The following MAPK13 variants were observed in gnomAD, a reference collection of about 807,000 sequenced individuals.
MAPK13 encodes the protein mitogen-activated protein kinase 13, also known as MAP kinase 13.
Under a neutral mutation model 53.5 loss-of-function variants are expected in MAPK13, and 39 were observed. That is an observed-to-expected ratio of 0.73 (90% confidence interval 0.56 to 0.95). The LOEUF (loss-of-function observed/expected upper bound fraction) is 0.95, where lower values mean the gene tolerates loss of function less well. Among genes scored for constraint, MAPK13 ranks in the 40% least tolerant of loss-of-function variants. The pLI, the probability that MAPK13 is intolerant of heterozygous loss-of-function variation, is 0.00. For missense variants in MAPK13, 460 were observed against 471.8 expected (o/e 0.98, Z 0.23); for synonymous variants, 179 against 190.9 (o/e 0.94, Z 0.51).
chr6:36,136,455 C>G lies in MAPK13; in HGVS notation c.448-29C>G. On this transcript the variant is annotated intron_variant, in intron 5 of 11. Transcript: ENST00000211287. The stretch of plus-strand genomic sequence containing the variant: ...GGACAAGCTCCATCTCTGCCTCAGC[C>G]TAGCATGCATTCTCTGTCCTCCCCC... The G allele has an allele frequency of 1.9e-6, 3 of 1,560,472 alleles. No homozygotes were observed. In the East Asian group the frequency reaches 6.7e-5, roughly 35 times the overall value.
Position 36,138,946 on chromosome 6 carries a change from C to G in MAPK13, c.909C>G (p.Leu303=). 1.2e-6 allele frequency: 2 copies of G among 1,613,726 alleles called. No individual in the cohort carries two copies. Among genetic ancestry groups the G allele is most frequent in the Non-Finnish European group, 1.7e-6 (2 of 1,179,822 alleles). Residue 303 remains leucine (L), a synonymous_variant, in exon 11 of 12, where the codon CTC becomes CTG. Transcript: ENST00000211287. ...VDKRLTAAQA[L]THPFFEPFRD... is the part of the protein sequence containing the mutation. ...AGCGCCTGACGGCCGCGCAGGCCCT[C>G]ACCCATCCCTTCTTTGAACCCTTCC...
Position 36,139,422 on chromosome 6 carries a change from T to G in MAPK13, c.*49T>G. 1 of 1,466,070 alleles carries G rather than the reference T, an allele frequency of 6.8e-7. No homozygotes were observed. The highest frequency in any genetic ancestry group is 9.6e-7 in the Non-Finnish European group (1 of 1,046,060). The allele number at this position is 1,466,070 out of a possible 1,614,324, so 90.8% of individuals were successfully genotyped here. ...CGGCCAGACACTGCCCAAGGACCAGTATTTGTCACTACCAAACTCAGCCCT... is the reference window on the plus strand; with the variant it reads ...CGGCCAGACACTGCCCAAGGACCAGGATTTGTCACTACCAAACTCAGCCCT... On this transcript the variant is annotated 3_prime_UTR_variant, in exon 12 of 12. Transcript: ENST00000211287.
rs1041411467 is a variant in MAPK13, at chr6:36,142,744, G to C, written c.*3371G>C. On this transcript the variant is annotated 3_prime_UTR_variant, in exon 12 of 12. Coordinates refer to ENST00000211287, the MANE Select transcript of MAPK13 (RefSeq NM_002754.5). The surrounding 1 kb of genome is among the most constrained non-coding windows in gnomAD (Gnocchi z 4.4). The stretch of plus-strand genomic sequence containing the variant: ...TTCAGACTCCCAGACCCCACCCCCC[G>C]CTTCATCCTCTGGTGTCCTCCTAGG... 6.6e-6 allele frequency: 1 copy of C among 152,204 alleles called. No individual in the cohort carries two copies. Among genetic ancestry groups the C allele is most frequent in the Non-Finnish European group, 1.5e-5 (1 of 68,118 alleles). The allele number at this position is 152,204 out of a possible 1,614,324, so 9.4% of individuals were successfully genotyped here. A position where few individuals can be genotyped will look rare whatever the true frequency, so the allele number is the denominator to read the frequency against.
intron 1 of MAPK13, 44 bp from the exon 2 acceptor site, chr6:36,131,227 C>T: frequency 6.3e-7 from 1 of 1,592,930 alleles, no homozygotes; most frequent in Non-Finnish European, 8.6e-7. Flanking sequence ...GGAGATACGG[C>T]CCAGGAGGAG....
chr6:36,138,831 C>T (rs749926554), intron 10 of MAPK13, 48 bp from the exon 11 acceptor site: 39 of 1,612,674 alleles, frequency 2.4e-5, no homozygotes, highest in South Asian at 7.7e-5. Context: ...TCCCAGAGGG[C>T]GGGCTCTCCC....
At position 36,130,699 on chromosome 6, in the gene MAPK13, G is replaced by C; in HGVS notation, c.117G>C (p.Val39=). Reference sequence around the variant, plus strand: ...TCGGCAGCGGGGCCTATGGCTCCGTGTGGTGAGACCCCTGGGCCGCTGGGG... The same window carrying C: ...TCGGCAGCGGGGCCTATGGCTCCGTCTGGTGAGACCCCTGGGCCGCTGGGG... ...THVGSGAYGS[V]CSAIDKRSGE... The change falls in exon 1 of 12, where the codon GTG becomes GTC. Residue 39 remains valine (V), a splice_region_variant and synonymous_variant. Transcript: ENST00000211287. The surrounding 1 kb of genome is among the most constrained non-coding windows in gnomAD (Gnocchi z 4.5). 1 of 1,266,556 alleles carries C rather than the reference G, an allele frequency of 7.9e-7. No individual in the cohort carries two copies. The highest frequency in any genetic ancestry group is 1.1e-6 in the Non-Finnish European group (1 of 894,498). The allele number at this position is 1,266,556 out of a possible 1,614,324, so 78.5% of individuals were successfully genotyped here. A position where few individuals can be genotyped will look rare whatever the true frequency, so the allele number is the denominator to read the frequency against.
intron 3 of MAPK13, among the ~76,000 whole-genome samples, chr6:36,133,596 C>T (rs1048492735): frequency 3.9e-5 from 6 of 152,146 alleles, no homozygotes; most frequent in African/African-American, 1.4e-4. Flanking sequence ...GGAAAGATAA[C>T]GAACTCCATT....
At chr6:36,132,559 C>A in intron 2 of MAPK13, 62 bp from the exon 3 acceptor site, 2 of 1,505,874 alleles carry the variant, frequency 1.3e-6, no homozygotes, top group South Asian at 2.2e-5. Context: ...GGCCAGGGCC[C>A]AGGAGGAGGT....
Position 36,142,924 on chromosome 6 carries a change from C to G in MAPK13, c.*3551C>G, listed in dbSNP as rs1218021682. 1 of 151,858 alleles carries G rather than the reference C, an allele frequency of 6.6e-6. No homozygotes were observed. The highest frequency in any genetic ancestry group is 6.6e-5 in the Admixed American group (1 of 15,248). The allele number at this position is 151,858 out of a possible 1,614,324, so 9.4% of individuals were successfully genotyped here. On this transcript the variant is annotated 3_prime_UTR_variant, in exon 12 of 12. Coordinates refer to ENST00000211287, the MANE Select transcript of MAPK13 (RefSeq NM_002754.5). This position sits in a 1 kb window ranked among gnomAD's most constrained non-coding sequence, Gnocchi z 4.4. Reference sequence around the variant, plus strand: ...GAGTGGGGGTTCCACGGGTTTGGGTCTTGCCCAGTGGGCACATGGCCTGTG... The same window carrying G: ...GAGTGGGGGTTCCACGGGTTTGGGTGTTGCCCAGTGGGCACATGGCCTGTG...
chr6:36,131,983 A>C (rs2859141), intron 2 of MAPK13, among the ~76,000 whole-genome samples: 107,920 of 152,200 alleles, frequency 0.71, 38,662 homozygotes, highest in East Asian at 0.95. Flanking sequence ...TGTCTGATAG[A>C]AGCAGCTGGG....
rs1417842444 is a variant in MAPK13 at position 36,131,318 on chromosome 6, T to C, written c.167T>C (p.Leu56Pro). 6.2e-7 allele frequency: 1 copy of C among 1,613,776 alleles called. No homozygotes were observed. Among genetic ancestry groups the C allele is most frequent in the Admixed American group, 1.7e-5 (1 of 59,992 alleles). ...GGGGAGAAGGTGGCCATCAAGAAGC[T>C]GAGCCGACCCTTTCAGTCCGAGATC... Reference protein sequence around the residue: ...RSGEKVAIKKLSRPFQSEIFA... With the variant: ...RSGEKVAIKKPSRPFQSEIFA... Residue 56 changes from leucine (L) to proline (P), a missense_variant, in exon 2 of 12, where the codon CTG (leucine) becomes CCG (proline). Physicochemically the swap from Leu to Pro is moderately conservative, Grantham distance 98 (BLOSUM62 -3). Transcript: ENST00000211287.
intron 5 of MAPK13, 124 bp downstream of exon 5, chr6:36,136,172 G>C: frequency 8.4e-7 from 1 of 1,195,522 alleles, no homozygotes; most frequent in South Asian, 1.3e-5. Flanking sequence ...ACAGAATGTG[G>C]AGTTTTCACA....
At chr6:36,131,994 A>G (rs2127485702) in intron 2 of MAPK13, among the ~76,000 whole-genome samples, 1 of 152,356 alleles carries the variant, frequency 6.6e-6, no homozygotes, top group East Asian at 1.9e-4. Context: ...AGCAGCTGGG[A>G]AAACCAGGGG....
At position 36,135,801 on chromosome 6, in the gene MAPK13, G is replaced by A; in HGVS notation, c.357G>A (p.Gly119=). Residue 119 remains glycine, a synonymous_variant, in exon 4 of 12, where the codon GGG becomes GGA. Transcript: ENST00000211287. ...FMQTDLQKIM[G]MEFSEEKIQY... is the part of the protein sequence containing the mutation. ...AGACGGATCTGCAGAAGATCATGGGGATGGAGTTCAGTGAGGAGAAGATCC... is the reference window on the plus strand; with the variant it reads ...AGACGGATCTGCAGAAGATCATGGGAATGGAGTTCAGTGAGGAGAAGATCC... The A allele has an allele frequency of 6.2e-7, 1 of 1,614,118 alleles. No individual in the cohort carries two copies.
At chr6:36,136,611 C>A in intron 6 of MAPK13, 45 bp from the exon 7 acceptor site, 2 of 1,610,634 alleles carry the variant, frequency 1.2e-6, no homozygotes, top group South Asian at 2.2e-5. Flanking sequence ...CCCAGAGCCT[C>A]CTCCCCTCAG....
chr6:36,132,980 A>G (rs1475623114), intron 3 of MAPK13, among the ~76,000 whole-genome samples: 1 of 152,248 alleles, frequency 6.6e-6, no homozygotes, highest in Non-Finnish European at 1.5e-5. Context: ...CAGTCCTCAC[A>G]GGGTTAGCAC....
rs977652410 is a variant in MAPK13 at position 36,143,159 on chromosome 6, CTT to C, written c.*3789_*3790del. ...AGAGCAAGTGTACCCTCCATTCCCT[CTT>C]TTGAGGAACAAAGAGTATCTTTGCT... On this transcript the variant is annotated 3_prime_UTR_variant, in exon 12 of 12. Transcript: ENST00000211287. 6.6e-6 allele frequency: 1 copy of C among 152,222 alleles called. No homozygotes were observed. The highest frequency in any genetic ancestry group is 2.4e-5 in the African/African-American group (1 of 41,442). 9.4% of individuals were successfully genotyped at this position (152,222 alleles called of 1,614,324 possible).
chr6:36,135,247 G>C (rs948408965), intron 3 of MAPK13, among the ~76,000 whole-genome samples: 2 of 152,152 alleles, frequency 1.3e-5, no homozygotes, highest in Non-Finnish European at 2.9e-5. Context: ...CCCCTAAGAG[G>C]CTGCAGGAGC....
rs1361585178 is a variant in MAPK13 at position 36,140,690 on chromosome 6, C to G, written c.*1317C>G. 6.6e-6 allele frequency: 1 copy of G among 152,658 alleles called. No individual in the cohort carries two copies. The highest frequency in any genetic ancestry group is 1.5e-5 in the Non-Finnish European group (1 of 68,054). The allele number at this position is 152,658 out of a possible 1,614,324, so 9.5% of individuals were successfully genotyped here. On this transcript the variant is annotated 3_prime_UTR_variant, in exon 12 of 12. Coordinates refer to ENST00000211287, the MANE Select transcript of MAPK13 (RefSeq NM_002754.5). The stretch of plus-strand genomic sequence containing the variant: ...ACTTGATTTGTTGGGAGGCCTAAAT[C>G]AAAAACCTATAGGAGGAGACTGGGG...
Sources: allele counts gnomAD v4.1 joint callset (sites outside exome capture counted in the v4.1 genomes callset), GRCh38; gene constraint gnomAD v4.1.1; non-coding constraint Gnocchi (gnomAD v3.1); transcripts MANE v1.5; gene names NCBI Gene and HGNC (gene_info 2026-07-23, HGNC 2026-07-21).